The following SLC2A7 variants were observed in gnomAD, a reference collection of about 807,000 sequenced individuals.
The protein encoded by SLC2A7 is solute carrier family 2 member 7.
SLC2A7 carries 50 observed loss-of-function variants against 50.5 expected under a neutral mutation model. That is an observed-to-expected ratio of 0.99 (90% CI 0.79 to 1.25). SLC2A7 has a LOEUF of 1.25. SLC2A7 is among the 50% of genes most tolerant of loss of function. The probability of loss-of-function intolerance (pLI) is 0.00; values close to 1 mark genes in which losing one functional copy is unlikely to be tolerated. For synonymous variants in SLC2A7, 308 were observed against 300.4 expected, an observed-to-expected ratio of 1.03 and a Z score of -0.26; for missense variants, 683 against 679.1, an observed-to-expected ratio of 1.01 and a Z score of -0.06.
downstream of SLC2A7, among the ~76,000 whole-genome samples, chr1:9,001,352 C>G (rs538210952): frequency 1.6e-4 from 25 of 151,530 alleles, no homozygotes; most frequent in African/African-American, 6.1e-4. Flanking sequence ...GCCTTATCAT[C>G]TCGAGTGATA....
Position 9,018,362 on chromosome 1 carries a change from G to T in SLC2A7, c.450C>A (p.Ser150Arg), listed in dbSNP as rs372549045. The T allele has an allele frequency of 3.8e-4, 616 of 1,614,162 alleles. 14 individuals are homozygous for T. The Admixed American group carries it at 0.01, about 26-fold the overall frequency. Residue 150 changes from serine to arginine, a missense_variant, in exon 5 of 12, where the codon AGC becomes AGA. Transcript: ENST00000400906. Reference protein sequence around the residue: ...VLGVCAGISYSALPMYLGELA... With the variant: ...VLGVCAGISYRALPMYLGELA... ...GTTCTCCCAGGTACATGGGAAGGGC[G>T]CTGTAGGAGATGCCTGGTTTGGGCA... is the stretch of plus-strand genomic sequence containing the variant.
intron 5 of SLC2A7, among the ~76,000 whole-genome samples, chr1:9,015,751 T>G (rs1569798844): frequency 6.9e-6 from 1 of 144,140 alleles, no homozygotes. Flanking sequence ...TGAGACAGAG[T>G]CTAGCTCTAT....
the SLC2A7 span, among the ~76,000 whole-genome samples, chr1:8,993,553 G>T: frequency 4.6e-5 from 7 of 152,220 alleles, no homozygotes; most frequent in African/African-American, 7.2e-5. Context: ...TTTGAATATG[G>T]TGGGGCTATT....
intron 11 of SLC2A7, among the ~76,000 whole-genome samples, chr1:9,004,375 T>TTTATGGCC (rs889092449): frequency 6.8e-6 from 1 of 146,432 alleles, no homozygotes; most frequent in Non-Finnish European, 1.5e-5. Context: ...ACAGTAGGGG[T>TTTATGGCC]TTATGGCCTC....
chr1:9,002,769 C>T (rs879707727), downstream of SLC2A7, among the ~76,000 whole-genome samples: 3 of 152,220 alleles, frequency 2.0e-5, no homozygotes, highest in South Asian at 2.1e-4. Flanking sequence ...TCCCACCTGA[C>T]GAGAAATACC....
intron 5 of SLC2A7, 39 bp from the exon 6 acceptor site, chr1:9,015,281 C>T (rs2124254446): frequency 1.3e-6 from 2 of 1,533,694 alleles, no homozygotes; most frequent in Non-Finnish European, 1.7e-6. Flanking sequence ...GGGGCCTGGG[C>T]ACCCCCTGGC....
At position 9,007,210 on chromosome 1, in the gene SLC2A7, A is replaced by G. The variant is rs571646473; in HGVS notation, c.1192+100T>C. On this transcript the variant is annotated intron_variant, in intron 10 of 11. Transcript: ENST00000400906. ...ATCTGCGTGAGCACGGGGACCAAGGACGTCCATTCACTCAGCAAATATGTG... is the reference window on the plus strand; with the variant it reads ...ATCTGCGTGAGCACGGGGACCAAGGGCGTCCATTCACTCAGCAAATATGTG... The G allele has an allele frequency of 1.2e-4, 154 of 1,331,692 alleles. 1 individual carries two copies. Among genetic ancestry groups the G allele is most frequent in the African/African-American group, 8.6e-5 (6 of 69,560 alleles). The allele number at this position is 1,331,692 out of a possible 1,614,324, so 82.5% of individuals were successfully genotyped here.
chr1:9,010,091 C>G, intron 9 of SLC2A7, 52 bp downstream of exon 9: 2 of 1,504,830 alleles, frequency 1.3e-6, no homozygotes, highest in East Asian at 2.5e-5. Flanking sequence ...GTCAGGGGAC[C>G]TCCCACCCTC....
chr1:9,010,241 C>G lies in SLC2A7; in HGVS notation c.1018G>C (p.Val340Leu), dbSNP rs1237085464. The G allele has an allele frequency of 1.3e-6, 2 of 1,550,888 alleles. No homozygotes were observed. The highest frequency in any genetic ancestry group is 2.0e-5 in the Admixed American group (1 of 50,996). Reference sequence around the variant, plus strand: ...CGCCGTCCCAGCCGCTCCACAAGGACAGCCTGGAGGGGAAGGGGGACAGTG... The same window carrying G: ...CGCCGTCCCAGCCGCTCCACAAGGAGAGCCTGGAGGGGAAGGGGGACAGTG... ...VNIVMTITSA[V>L]LVERLGRRHL... The change falls in exon 9 of 12, where the codon GTC becomes CTC. Residue 340 changes from valine to leucine, a missense_variant. Physicochemically the swap from Val to Leu is conservative, Grantham distance 32. Coordinates refer to ENST00000400906, the MANE Select transcript of SLC2A7 (RefSeq NM_207420.3).
At chr1:9,022,035 T>C (rs1285805558) in intron 3 of SLC2A7, among the ~76,000 whole-genome samples, 1 of 152,254 alleles carries the variant, frequency 6.6e-6, no homozygotes, top group East Asian at 1.9e-4. Context: ...GTATGGCAAA[T>C]TAATTGTCGA....
the SLC2A7 span, among the ~76,000 whole-genome samples, chr1:8,996,114 G>T: frequency 6.6e-6 from 1 of 152,114 alleles, no homozygotes. Context: ...CTGTACATGT[G>T]ATATTTTGAC....
At chr1:8,998,818 A>G (rs1640540406), downstream of SLC2A7, among the ~76,000 whole-genome samples, 1 of 152,168 alleles carries the variant, frequency 6.6e-6, no homozygotes, top group Non-Finnish European at 1.5e-5. Flanking sequence ...TATTATCCTT[A>G]TAATATATTA....
At chr1:9,007,523 C>G in intron 9 of SLC2A7, 138 bp from the exon 10 acceptor site, 1 of 748,018 alleles carries the variant, frequency 1.3e-6, no homozygotes, top group Non-Finnish European at 2.2e-6. Flanking sequence ...CTTGAGGGCT[C>G]TGTGGGCAAG....
Position 9,018,031 on chromosome 1 carries a change from C to T in SLC2A7, c.589+192G>A, listed in dbSNP as rs192435974. On this transcript the variant is annotated intron_variant, in intron 5 of 11. Transcript: ENST00000400906. ...CCTGCCTCAGAGCCCGATTCCCATT[C>T]CTAAGCACGATTTGTCGCCATCACT... is the stretch of plus-strand genomic sequence containing the variant. Among the ~76,000 whole-genome samples the T allele has an allele frequency of 4.6e-3, 705 of 152,246 alleles. 5 individuals carry two copies. Among genetic ancestry groups the T allele is most frequent in the Non-Finnish European group, 4.8e-3 (329 of 68,016 alleles).
chr1:9,007,570 C>CCTCCAGCCT (rs1640673717), intron 9 of SLC2A7, among the ~76,000 whole-genome samples, 185 bp from the exon 10 acceptor site: 1 of 152,142 alleles, frequency 6.6e-6, no homozygotes, highest in Non-Finnish European at 1.5e-5. Context: ...TTGTAGCCTC[C>CCTCCAGCCT]CACAGGGCTC....
In SLC2A7 at chr1:9,018,527, A is replaced by T. The variant is rs959847523; in HGVS notation, c.437-152T>A. On this transcript the variant is annotated intron_variant, in intron 4 of 11. Transcript: ENST00000400906. ...GGCCAACCTCGACTGTTTAGTTTGG[A>T]CTTACACCAAAATCCCTCCAGAATC... 4.4e-6 allele frequency: 5 copies of T among 1,139,752 alleles called. No individual in the cohort carries two copies. The African/African-American group carries it at 7.8e-5, about 18-fold the overall frequency. 70.6% of individuals were successfully genotyped at this position (1,139,752 alleles called of 1,614,324 possible). A position where few individuals can be genotyped will look rare whatever the true frequency, so the allele number is the denominator to read the frequency against.
intron 8 of SLC2A7, among the ~76,000 whole-genome samples, chr1:9,011,789 A>C (rs1569791926): frequency 2.5e-5 from 3 of 121,088 alleles, no homozygotes; most frequent in African/African-American, 3.3e-5. Flanking sequence ...TCACTCTGTC[A>C]CCCAGGCTGG....
chr1:8,992,626 A>G, the SLC2A7 span, among the ~76,000 whole-genome samples: 1 of 151,894 alleles, frequency 6.6e-6, no homozygotes, highest in Non-Finnish European at 1.5e-5. Flanking sequence ...CTTTGTTTTC[A>G]GAGACAGAAA....
At position 9,023,016 on chromosome 1, in the gene SLC2A7, C is replaced by T. The variant is rs769093579; in HGVS notation, c.213G>A (p.Lys71=). Residue 71 remains lysine, a synonymous_variant, in exon 3 of 12, where the codon AAG becomes AAA. Transcript: ENST00000400906. ...FERHATFMDG[K]LMLLLWSCTV... ...TGCAAGACCATAGAAGCAGCATGAG[C>T]TTCCCGTCCATGAATGTTGCGTGTC... 7.4e-6 allele frequency: 12 copies of T among 1,614,200 alleles called. No homozygotes were observed. Among genetic ancestry groups the T allele is most frequent in the Admixed American group, 3.3e-5 (2 of 60,028 alleles).
Sources: gnomAD v4.1 joint callset for allele counts (sites outside exome capture counted in the v4.1 genomes callset) on GRCh38, gnomAD v4.1.1 for gene constraint, MANE v1.5 for transcripts, NCBI Gene and HGNC (gene_info 2026-07-23, HGNC 2026-07-21) for gene names.